Variants in CDKL5 observed in about 807,000 individuals in gnomAD.
CDKL5 encodes cyclin dependent kinase like 5, also known as cyclin-dependent kinase-like 5.
A neutral mutation model predicts 61.7 loss-of-function variants in CDKL5; 8 were observed. The ratio of observed to expected loss-of-function variants is 0.13; its 90% confidence interval spans 0.08 to 0.23. The LOEUF is 0.23. CDKL5 is among the 10% of genes least tolerant of loss of function. The pLI, the probability that CDKL5 is intolerant of heterozygous loss-of-function variation, is 1.00. For missense variants in CDKL5, 440 were observed against 734.5 expected (o/e 0.60, Z 4.63); for synonymous variants, 275 against 272.3 (o/e 1.01, Z -0.10).
At chrX:18,488,140 A>G (rs1016084165) in intron 1 of CDKL5, among the ~76,000 whole-genome samples, 31 of 111,221 alleles carry the variant, frequency 2.8e-4, no homozygotes, top group African/African-American at 1.0e-3. Context: ...TGACAGTGAA[A>G]TGATGAAACC....
intron 1 of CDKL5, among the ~76,000 whole-genome samples, chrX:18,442,827 A>G (rs1049748244): frequency 8.9e-6 from 1 of 112,028 alleles, no homozygotes; most frequent in Non-Finnish European, 1.9e-5. Flanking sequence ...TTGAATTTGA[A>G]ATTAGTTCAG....
intron 3 of CDKL5, among the ~76,000 whole-genome samples, chrX:18,550,288 T>G (rs1924342107): frequency 9.0e-6 from 1 of 111,458 alleles, no homozygotes; most frequent in Admixed American, 9.5e-5. Context: ...AACCTTGTCT[T>G]GGAGACCTGA....
At position 18,509,199 on chromosome X, in the gene CDKL5, A is replaced by ACGCGCGCGCG. The variant is rs1351945385; in HGVS notation, c.65-1620_65-1619insGCGCGCGCGC. On this transcript the variant is annotated intron_variant, in intron 2 of 17. Coordinates refer to ENST00000623535, the MANE Select transcript of CDKL5 (RefSeq NM_001323289.2). The stretch of plus-strand genomic sequence containing the variant: ...AGAGCGAGACTGTCTCAAAACACGC[A>ACGCGCGCGCG]CACACACACACACACACACACACAC... 3.1e-4 allele frequency among the ~76,000 whole-genome samples: 14 copies of ACGCGCGCGCG among 44,925 alleles called. No individual in the cohort carries two copies. The East Asian group carries it at 3.8e-3, about 12-fold the overall frequency. The allele number at this position is 44,925 out of a possible 115,157, so 39.0% of individuals were successfully genotyped here. A position where few individuals can be genotyped will look rare whatever the true frequency, so the allele number is the denominator to read the frequency against.
chrX:18,577,705 G>C (rs371852169), intron 5 of CDKL5, among the ~76,000 whole-genome samples: 13 of 111,782 alleles, frequency 1.2e-4, no homozygotes, highest in African/African-American at 4.2e-4. Context: ...TTCGTTCTGG[G>C]CAGCACTTGA....
intron 3 of CDKL5, among the ~76,000 whole-genome samples, chrX:18,557,796 G>C (rs963869570): frequency 2.7e-5 from 3 of 111,836 alleles, no homozygotes; most frequent in Non-Finnish European, 5.6e-5. Flanking sequence ...CAATGACCCA[G>C]AGCTTTAGAC....
intron 1 of CDKL5, among the ~76,000 whole-genome samples, chrX:18,470,795 C>CT (rs1473372783): frequency 8.9e-6 from 1 of 111,932 alleles, no homozygotes; most frequent in East Asian, 2.8e-4. Context: ...TGCAGAAAGG[C>CT]TTTTTTCTGG....
intron 2 of CDKL5, 56 bp from the exon 3 acceptor site, chrX:18,510,764 G>A: frequency 1.0e-6 from 1 of 969,154 alleles, no homozygotes; most frequent in Non-Finnish European, 1.5e-6. Context: ...TGTCAGTATA[G>A]CAGAGCTTTG....
chrX:18,430,559 T>C (rs1299071986), intron 1 of CDKL5, among the ~76,000 whole-genome samples: 1 of 111,563 alleles, frequency 9.0e-6, no homozygotes, highest in East Asian at 2.8e-4. Context: ...TTCTCCTGCC[T>C]CAACCTCCCA....
intron 3 of CDKL5, among the ~76,000 whole-genome samples, chrX:18,519,481 T>C (rs1923168898): frequency 1.8e-5 from 2 of 111,823 alleles, no homozygotes; most frequent in Non-Finnish European, 3.8e-5. Context: ...ATAAGGTTAA[T>C]AAGGTGGGGG....
intron 3 of CDKL5, among the ~76,000 whole-genome samples, chrX:18,538,369 A>G (rs1490567250): frequency 1.8e-5 from 2 of 111,313 alleles, no homozygotes; most frequent in African/African-American, 6.5e-5. Flanking sequence ...ATTTTCTCCC[A>G]GATTATAGCT....
chrX:18,498,990 C>T (rs946605770), intron 1 of CDKL5, among the ~76,000 whole-genome samples: 2 of 111,047 alleles, frequency 1.8e-5, no homozygotes, highest in African/African-American at 3.3e-5. Context: ...AGGCTGGTCT[C>T]GAACTCCTGG....
At chrX:18,574,942 A>C (rs1370660157) in intron 4 of CDKL5, among the ~76,000 whole-genome samples, 1 of 112,084 alleles carries the variant, frequency 8.9e-6, no homozygotes, top group Non-Finnish European at 1.9e-5. Context: ...TCTTCTGCAC[A>C]CTGACAGTTT....
chrX:18,630,319 C>T lies in CDKL5; in HGVS notation c.*1562C>T. 1.3e-6 allele frequency: 1 copy of T among 753,771 alleles called. No individual in the cohort carries two copies. Among genetic ancestry groups the T allele is most frequent in the Non-Finnish European group, 1.6e-6 (1 of 639,079 alleles). The allele number at this position is 753,771 out of a possible 1,213,427, so 62.1% of individuals were successfully genotyped here. A position where few individuals can be genotyped will look rare whatever the true frequency, so the allele number is the denominator to read the frequency against. On this transcript the variant is annotated 3_prime_UTR_variant, in exon 18 of 18. Coordinates refer to ENST00000623535, the MANE Select transcript of CDKL5 (RefSeq NM_001323289.2). ...TATCCTCCCATGCCTCTGGGTCATC[C>T]TTGAGGGAAGTCACCTCAGCACCAT... is the stretch of plus-strand genomic sequence containing the variant.
intron 3 of CDKL5, among the ~76,000 whole-genome samples, chrX:18,538,873 A>G (rs1185362864): frequency 1.8e-5 from 2 of 112,287 alleles, no homozygotes; most frequent in South Asian, 7.3e-4. Flanking sequence ...CTTTTATTGG[A>G]AACTTGATAA....
At chrX:18,620,842 G>A (rs980527334) in intron 16 of CDKL5, among the ~76,000 whole-genome samples, 3 of 110,462 alleles carry the variant, frequency 2.7e-5, no homozygotes, top group Non-Finnish European at 5.7e-5. Context: ...CTACCTCCTG[G>A]GCTCAAGTGA....
chrX:18,427,875 T>G (rs1457604191), intron 1 of CDKL5, among the ~76,000 whole-genome samples: 3 of 111,210 alleles, frequency 2.7e-5, no homozygotes, highest in Non-Finnish European at 5.6e-5. Context: ...GTTCCCTAAG[T>G]CTGCCTTTGT....
In CDKL5 at chrX:18,636,887, T is replaced by A. The variant is rs1288329678; in HGVS notation, c.*8130T>A. The A allele has an allele frequency of 8.9e-6, 1 of 112,177 alleles. No homozygotes were observed. The highest frequency in any genetic ancestry group is 1.9e-5 in the Non-Finnish European group (1 of 53,270). The allele number at this position is 112,177 out of a possible 1,213,427, so 9.2% of individuals were successfully genotyped here. A position where few individuals can be genotyped will look rare whatever the true frequency, so the allele number is the denominator to read the frequency against. ...ACCTTCCATCCCCTTTCCCAGCAGATGGTAATTGATGCAATTTGAGAATAG... is the reference window on the plus strand; with the variant it reads ...ACCTTCCATCCCCTTTCCCAGCAGAAGGTAATTGATGCAATTTGAGAATAG... On this transcript the variant is annotated 3_prime_UTR_variant, in exon 18 of 18. Transcript: ENST00000623535.
chrX:18,581,775 T>G (rs1403952097), intron 6 of CDKL5, 116 bp from the exon 7 acceptor site: 2 of 470,571 alleles, frequency 4.3e-6, no homozygotes. Flanking sequence ...TGCCACAGTT[T>G]TCTATTCAAA....
chrX:18,628,616 C>T lies in CDKL5; in HGVS notation c.2742C>T (p.Ser914=). 4 of 1,211,788 alleles carry T rather than the reference C, an allele frequency of 3.3e-6. No individual in the cohort carries two copies. The highest frequency in any genetic ancestry group is 4.5e-6 in the Non-Finnish European group (4 of 895,335). The change falls in exon 18 of 18, where the codon TCC becomes TCT. Residue 914 remains serine (S), a synonymous_variant. Coordinates refer to ENST00000623535, the MANE Select transcript of CDKL5 (RefSeq NM_001323289.2). ...AGATGGATCCTGGTTGGCATGTGTC[C>T]TCTGTGACCAGGAGTGCCACAGAGG... ...PGQMDPGWHV[S]SVTRSATEGP...
Sources: allele counts gnomAD v4.1 joint callset (sites outside exome capture counted in the v4.1 genomes callset), GRCh38; gene constraint gnomAD v4.1.1; transcripts MANE v1.5; gene names NCBI Gene and HGNC (gene_info 2026-07-23, HGNC 2026-07-21).